Variants in SPTLC1 observed in about 807,000 individuals in gnomAD.
The protein encoded by SPTLC1 is serine palmitoyltransferase 1.
A neutral mutation model predicts 68.9 loss-of-function variants in SPTLC1; 55 were observed. The observed-to-expected ratio is 0.80, with a 90% CI of 0.64 to 1.00. The LOEUF is 1.00. Among genes scored for constraint, SPTLC1 ranks in the 50% least tolerant of loss-of-function variants. SPTLC1 has a pLI of 0.00. For missense variants in SPTLC1, 449 were observed against 573.1 expected (o/e 0.78, Z 2.21); for synonymous variants, 197 against 201.6 (o/e 0.98, Z 0.19).
At chr9:92,099,520 C>G (rs1159941436) in intron 3 of SPTLC1, among the ~76,000 whole-genome samples, 1 of 150,722 alleles carries the variant, frequency 6.6e-6, no homozygotes, top group Non-Finnish European at 1.5e-5. Context: ...GGCTCTGTTG[C>G]CCAGGATGGA....
intron 13 of SPTLC1, among the ~76,000 whole-genome samples, chr9:92,035,338 C>T (rs894479455): frequency 3.3e-5 from 5 of 152,342 alleles, no homozygotes; most frequent in Admixed American, 6.5e-5. Context: ...AACCACTGCA[C>T]TTCAGATATT....
chr9:92,047,634 C>T lies in SPTLC1; in HGVS notation c.963G>A (p.Arg321=), dbSNP rs756999851. Residue 321 remains arginine (R), a synonymous_variant, in exon 10 of 15, where the codon AGG becomes AGA. Transcript: ENST00000262554. ...LASIGGFCCG[R]SFVIDHQRLS... ...CCACCTGATGGTCAATTACAAAAGA[C>T]CTGCCACAGCAGAAACCTCCAATAG... is the stretch of plus-strand genomic sequence containing the variant. 1.2e-4 allele frequency: 201 copies of T among 1,613,338 alleles called. No individual in the cohort carries two copies. Among genetic ancestry groups the T allele is most frequent in the Non-Finnish European group, 1.6e-4 (187 of 1,179,490 alleles).
At chr9:92,034,927 A>ATGG (rs1564079207) in intron 13 of SPTLC1, 44 bp from the exon 14 acceptor site, 1 of 1,503,280 alleles carries the variant, frequency 6.7e-7, no homozygotes, top group Non-Finnish European at 9.3e-7. Context: ...GACTTCAGAC[A>ATGG]TGGTGGTAAT....
At chr9:92,109,973 C>CA (rs968219679) in intron 2 of SPTLC1, 48 of 145,278 alleles carry the variant, frequency 3.3e-4, no homozygotes, top group Admixed American at 4.8e-4. Flanking sequence ...AACTCTGTCT[C>CA]AAAAAAAAAA....
chr9:92,089,859 CAGA>C (rs1835291156), intron 3 of SPTLC1, among the ~76,000 whole-genome samples: 1 of 152,140 alleles, frequency 6.6e-6, no homozygotes, highest in Non-Finnish European at 1.5e-5. Context: ...CTAGAAAAAA[CAGA>C]AGATGAACAA....
At chr9:92,097,954 C>T (rs77901592) in intron 3 of SPTLC1, among the ~76,000 whole-genome samples, 5,038 of 152,232 alleles carry the variant, frequency 0.033, 213 homozygotes, top group Middle Eastern at 0.12. Flanking sequence ...AATTCGCTTA[C>T]TCTTGTGTCA....
At chr9:92,081,258 G>A (rs1231290252) in intron 3 of SPTLC1, among the ~76,000 whole-genome samples, 3 of 152,084 alleles carry the variant, frequency 2.0e-5, no homozygotes, top group Admixed American at 6.6e-5. Flanking sequence ...TTTAAAACTC[G>A]CTTAAGAATG....
At chr9:92,082,437 T>C (rs1481709580) in intron 3 of SPTLC1, among the ~76,000 whole-genome samples, 2 of 135,142 alleles carry the variant, frequency 1.5e-5, no homozygotes, top group Non-Finnish European at 3.1e-5. Flanking sequence ...CCCCTTCCTG[T>C]GTCCATGTGT....
chr9:92,045,970 T>C, intron 12 of SPTLC1, 29 bp downstream of exon 12: 3 of 1,600,730 alleles, frequency 1.9e-6, no homozygotes, highest in South Asian at 1.1e-5. Context: ...AGATAAACTT[T>C]ATGTTGGTTG....
At chr9:92,036,543 A>G (rs1675115223) in intron 13 of SPTLC1, among the ~76,000 whole-genome samples, 1 of 152,256 alleles carries the variant, frequency 6.6e-6, no homozygotes, top group Non-Finnish European at 1.5e-5. Flanking sequence ...CAGTTCGAGA[A>G]GAGACTCAGT....
Position 92,047,268 on chromosome 9 carries a change from G to T in SPTLC1, c.985C>A (p.Arg329=). 1 of 1,613,524 alleles carries T rather than the reference G, an allele frequency of 6.2e-7. No homozygotes were observed. The highest frequency in any genetic ancestry group is 8.5e-7 in the Non-Finnish European group (1 of 1,179,498). ...AAGCAGTATCCCTGGCCGGAAAGTC[G>T]CTGAGAAGAAACAAATGAAGACATA... ...CGRSFVIDHQ[R]LSGQGYCFSA... The change falls in exon 11 of 15, where the codon CGA becomes AGA. Residue 329 remains arginine (R), a splice_region_variant and synonymous_variant. Transcript: ENST00000262554.
At chr9:92,054,911 G>C (rs566024272) in intron 8 of SPTLC1, among the ~76,000 whole-genome samples, 10 of 150,056 alleles carry the variant, frequency 6.7e-5, no homozygotes, top group Non-Finnish European at 1.2e-4. Flanking sequence ...ACTGTCTTGC[G>C]GGGGAGAAAA....
chr9:92,094,188 T>G (rs970686621), intron 3 of SPTLC1, among the ~76,000 whole-genome samples: 1 of 152,132 alleles, frequency 6.6e-6, no homozygotes, highest in Non-Finnish European at 1.5e-5. Flanking sequence ...ATTAAGAAAT[T>G]TGGTTCAACG....
intron 3 of SPTLC1, among the ~76,000 whole-genome samples, chr9:92,102,081 A>G (rs377384225): frequency 6.6e-6 from 1 of 152,246 alleles, no homozygotes; most frequent in African/African-American, 2.4e-5. Context: ...CCATTAGACT[A>G]TCAGTTTTCA....
intron 3 of SPTLC1, among the ~76,000 whole-genome samples, chr9:92,088,186 C>A (rs899357077): frequency 1.3e-5 from 2 of 152,222 alleles, no homozygotes; most frequent in East Asian, 1.9e-4. Flanking sequence ...ACTCCCTGAC[C>A]CCTTGCGCTT....
intron 3 of SPTLC1, among the ~76,000 whole-genome samples, chr9:92,105,611 T>C (rs1000164041): frequency 3.3e-5 from 5 of 151,230 alleles, no homozygotes; most frequent in Admixed American, 2.0e-4. Context: ...CGCCCCACCA[T>C]CTGGGAAGTG....
At position 92,103,409 on chromosome 9, in the gene SPTLC1, C is replaced by T. The variant is rs373658660; in HGVS notation, c.260+5331G>A. ...ACAGATATGCCACGGTGCTAAGTACCCCAGAACTACAGGAAAAAATAAGAA... is the reference window on the plus strand; with the variant it reads ...ACAGATATGCCACGGTGCTAAGTACTCCAGAACTACAGGAAAAAATAAGAA... On this transcript the variant is annotated intron_variant, in intron 3 of 14. Coordinates refer to ENST00000262554, the MANE Select transcript of SPTLC1 (RefSeq NM_006415.4). Among the ~76,000 whole-genome samples, 41 of 152,296 alleles carry T rather than the reference C, an allele frequency of 2.7e-4. 1 individual carries two copies. The East Asian group carries it at 3.5e-3, about 13-fold the overall frequency.
chr9:92,049,497 GCA>G (rs994914872), intron 9 of SPTLC1, among the ~76,000 whole-genome samples: 7 of 151,932 alleles, frequency 4.6e-5, no homozygotes, highest in African/African-American at 1.4e-4. Flanking sequence ...ACACACACAT[GCA>G]CACACACACG....
At chr9:92,113,429 T>C (rs1447378547) in intron 1 of SPTLC1, among the ~76,000 whole-genome samples, 9 of 152,208 alleles carry the variant, frequency 5.9e-5, no homozygotes, top group Non-Finnish European at 7.4e-5. Context: ...AAACTCTCTC[T>C]CTAGTGAATT....
Sources: gnomAD v4.1 joint callset for allele counts (sites outside exome capture counted in the v4.1 genomes callset) on GRCh38, gnomAD v4.1.1 for gene constraint, MANE v1.5 for transcripts, NCBI Gene and HGNC (gene_info 2026-07-23, HGNC 2026-07-21) for gene names.